The following DNAH3 variants were observed in gnomAD, a reference collection of about 807,000 sequenced individuals.
DNAH3 encodes the protein dynein axonemal heavy chain 3, also known as axonemal beta dynein heavy chain 3.
DNAH3 carries 332 observed loss-of-function variants against 432.5 expected under a neutral mutation model. That is an observed-to-expected ratio of 0.77 (90% CI 0.70 to 0.84). The LOEUF is 0.84. Among genes scored for constraint, DNAH3 ranks in the 40% least tolerant of loss-of-function variants. DNAH3 has a pLI of 0.00. For missense variants in DNAH3, 4,861 were observed against 5,114.0 expected (o/e 0.95, Z 1.51); for synonymous variants, 1,956 against 1,900.2 (o/e 1.03, Z -0.76).
At chr16:21,057,965 G>T in intron 27 of DNAH3, 121 bp downstream of exon 27, 1 of 699,186 alleles carries the variant, frequency 1.4e-6, no homozygotes. Context: ...CCTGATGTCT[G>T]TGATGCTGAG....
At chr16:21,035,554 A>AT (rs138245025) in intron 35 of DNAH3, among the ~76,000 whole-genome samples, 20,411 of 152,148 alleles carry the variant, frequency 0.13, 1,610 homozygotes, top group African/African-American at 0.21. Flanking sequence ...GGACGGATGG[A>AT]TAAAAAATAA....
chr16:21,076,143 A>G (rs1020102033), intron 20 of DNAH3, among the ~76,000 whole-genome samples: 21 of 152,132 alleles, frequency 1.4e-4, no homozygotes, highest in Admixed American at 7.9e-4. Context: ...CTAACCCCTA[A>G]TATCTTGGAA....
At chr16:20,949,865 G>A (rs972745360) in intron 56 of DNAH3, among the ~76,000 whole-genome samples, 1 of 152,160 alleles carries the variant, frequency 6.6e-6, no homozygotes, top group South Asian at 2.1e-4. Flanking sequence ...GTTTATGACC[G>A]GCAGGCAGTT....
In DNAH3 at chr16:21,011,463, C is replaced by T. The variant is rs577021284; in HGVS notation, c.6022+8161G>A. 4.0e-4 allele frequency among the ~76,000 whole-genome samples: 61 copies of T among 152,206 alleles called. 2 individuals carry two copies. The South Asian group carries it at 8.9e-3, about 22-fold the overall frequency. ...CCTCAACCTCCTGGGCTCAAGTGATCCTCCTGCCTCAGCCTCCCAAGTAGC... is the reference window on the plus strand; with the variant it reads ...CCTCAACCTCCTGGGCTCAAGTGATTCTCCTGCCTCAGCCTCCCAAGTAGC... On this transcript the variant is annotated intron_variant, in intron 41 of 61. Transcript: ENST00000261383.
At chr16:21,012,911 G>A (rs1209811637) in intron 41 of DNAH3, among the ~76,000 whole-genome samples, 5 of 151,932 alleles carry the variant, frequency 3.3e-5, no homozygotes, top group South Asian at 2.1e-4. Flanking sequence ...ACAGGTGAGC[G>A]CTACCACACC....
rs569147549 is a variant in DNAH3, at chr16:21,002,782, C to T, written c.6126+322G>A. On this transcript the variant is annotated intron_variant, in intron 42 of 61. Transcript: ENST00000261383. ...GGCCAGTACCTGGTATTACTGATAA[C>T]GACAATAATCAGAATAGCAACAAAC... Among the ~76,000 whole-genome samples, 7 of 152,064 alleles carry T rather than the reference C, an allele frequency of 4.6e-5. No individual in the cohort carries two copies. The South Asian group carries it at 1.5e-3, about 32-fold the overall frequency.
At chr16:21,131,180 T>C (rs1361078076) in intron 7 of DNAH3, among the ~76,000 whole-genome samples, 3 of 151,900 alleles carry the variant, frequency 2.0e-5, no homozygotes, top group Non-Finnish European at 4.4e-5. Context: ...CTACAAAAAA[T>C]GTAAAAATTA....
chr16:21,015,467 C>T (rs898044837), intron 41 of DNAH3, among the ~76,000 whole-genome samples: 3 of 152,158 alleles, frequency 2.0e-5, no homozygotes, highest in Non-Finnish European at 4.4e-5. Flanking sequence ...CTGCATGATT[C>T]TGTAATGGTG....
chr16:20,955,763 T>A (rs2084534423), intron 54 of DNAH3, among the ~76,000 whole-genome samples: 1 of 152,016 alleles, frequency 6.6e-6, no homozygotes, highest in Non-Finnish European at 1.5e-5. Flanking sequence ...TAGGGAGAAA[T>A]TCTTTTTTAA....
rs1338157351 is a variant in DNAH3, at chr16:21,031,188, C to T, written c.5296G>A (p.Glu1766Lys). The T allele has an allele frequency of 4.3e-6, 7 of 1,614,044 alleles. No homozygotes were observed. Among genetic ancestry groups the T allele is most frequent in the African/African-American group, 1.3e-5 (1 of 74,916 alleles). Residue 1766 changes from glutamate to lysine, a missense_variant, in exon 37 of 62, where the codon GAG becomes AAG. Physicochemically the swap from Glu to Lys is moderately conservative, Grantham distance 56. Transcript: ENST00000261383. ...TTGGCAAGGACACCATCCATCCACTCGTGGCTCACTTGGTCAAAGCACCCA... is the reference window on the plus strand; with the variant it reads ...TTGGCAAGGACACCATCCATCCACTTGTGGCTCACTTGGTCAAAGCACCCA...
intron 19 of DNAH3, among the ~76,000 whole-genome samples, chr16:21,084,071 A>G (rs1170720712): frequency 7.3e-6 from 1 of 137,920 alleles, no homozygotes; most frequent in Non-Finnish European, 1.7e-5. Flanking sequence ...AGGCTGAGTC[A>G]AACAGTGTAG....
chr16:21,102,135 G>A (rs906065577), intron 16 of DNAH3, among the ~76,000 whole-genome samples: 2 of 152,200 alleles, frequency 1.3e-5, no homozygotes, highest in Non-Finnish European at 2.9e-5. Context: ...ACCGAAGAGA[G>A]GGGTGAGCCC....
chr16:21,152,747 G>A (rs1223253611), intron 1 of DNAH3, among the ~76,000 whole-genome samples: 2 of 152,242 alleles, frequency 1.3e-5, no homozygotes, highest in Non-Finnish European at 2.9e-5. Context: ...CCCGGCCAGC[G>A]GCTGCGGAGG....
chr16:21,071,922 C>A (rs1489675262), intron 21 of DNAH3, among the ~76,000 whole-genome samples: 2 of 152,114 alleles, frequency 1.3e-5, no homozygotes, highest in African/African-American at 4.8e-5. Flanking sequence ...ACTGGTTAGG[C>A]CTAGACCTGC....
At chr16:20,980,652 T>G (rs764179338) in intron 49 of DNAH3, among the ~76,000 whole-genome samples, 2 of 152,088 alleles carry the variant, frequency 1.3e-5, no homozygotes, top group Non-Finnish European at 2.9e-5. Flanking sequence ...CCTCCCAAAG[T>G]GCTGGGATTA....
intron 25 of DNAH3, 51 bp downstream of exon 25, chr16:21,062,431 T>C (rs373620732): frequency 1.3e-6 from 2 of 1,514,750 alleles, no homozygotes; most frequent in African/African-American, 2.7e-5. Context: ...ATACGCTCTC[T>C]GATTTACTCT....
At chr16:21,074,109 T>C (rs543114982) in intron 21 of DNAH3, among the ~76,000 whole-genome samples, 1 of 152,298 alleles carries the variant, frequency 6.6e-6, no homozygotes, top group East Asian at 1.9e-4. Context: ...TGAATGACCT[T>C]CATGCTAGGT....
chr16:21,158,290 G>C (rs1001869580), intron 1 of DNAH3: 47 of 152,398 alleles, frequency 3.1e-4, no homozygotes, highest in African/African-American at 1.1e-3. Flanking sequence ...TTGAGCGCCA[G>C]AGACGTTCCA....
chr16:21,019,508 G>A (rs778102583), intron 41 of DNAH3, 116 bp downstream of exon 41: 24 of 1,155,756 alleles, frequency 2.1e-5, no homozygotes, highest in Admixed American at 1.3e-4. Context: ...ATTAGCCACC[G>A]TGCCTGGCCT....
Sources: gnomAD v4.1 joint callset for allele counts (sites outside exome capture counted in the v4.1 genomes callset) on GRCh38, gnomAD v4.1.1 for gene constraint, MANE v1.5 for transcripts, NCBI Gene and HGNC (gene_info 2026-07-23, HGNC 2026-07-21) for gene names.